CPNE8: variants seen among roughly 807,000 people sequenced by gnomAD.
CPNE8 encodes the protein copine 8.
CPNE8 carries 45 observed loss-of-function variants against 81.5 expected under a neutral mutation model. The observed-to-expected ratio is 0.55, with a 90% CI of 0.44 to 0.71. The LOEUF (loss-of-function observed/expected upper bound fraction) is 0.71. Ranked by LOEUF, CPNE8 falls within the 30% of genes least tolerant of loss-of-function variation. CPNE8 has a pLI of 0.00. For missense variants in CPNE8, 594 were observed against 672.1 expected, an observed-to-expected ratio of 0.88 and a Z score of 1.28; for synonymous variants, 252 against 226.3, an observed-to-expected ratio of 1.11 and a Z score of -1.02.
At chr12:38,754,287 A>G (rs55758865) in intron 10 of CPNE8, among the ~76,000 whole-genome samples, 5,339 of 152,244 alleles carry the variant, frequency 0.035, 296 homozygotes, top group African/African-American at 0.12. Flanking sequence ...AATCCTGCAA[A>G]GATCTTCTAG....
intron 11 of CPNE8, 124 bp downstream of exon 11, chr12:38,730,159 A>G (rs112989774): frequency 1.6e-6 from 1 of 620,716 alleles, no homozygotes; most frequent in Admixed American, 3.1e-5. Flanking sequence ...AACAACTTCA[A>G]AGATTCTTAC....
At chr12:38,723,889 T>C (rs1288934562) in intron 12 of CPNE8, 56 bp from the exon 13 acceptor site, 1 of 926,306 alleles carries the variant, frequency 1.1e-6, no homozygotes. Context: ...CAAATAGACC[T>C]TTCTAATTAT....
chr12:38,733,674 C>A (rs1306126954), intron 10 of CPNE8, among the ~76,000 whole-genome samples: 1 of 151,774 alleles, frequency 6.6e-6, no homozygotes, highest in African/African-American at 2.4e-5. Flanking sequence ...TCTATTTTTC[C>A]CCTACCTTTT....
chr12:38,810,177 G>C (rs1384579523), intron 6 of CPNE8, among the ~76,000 whole-genome samples: 1 of 152,082 alleles, frequency 6.6e-6, no homozygotes, highest in Non-Finnish European at 1.5e-5. Flanking sequence ...CAGTGCTTCT[G>C]CTGACAAAAA....
chr12:38,704,830 A>ATATATGTGTGTG lies in CPNE8; in HGVS notation c.915-1910_915-1909insCACACACATATA, dbSNP rs779179947. ...CATCTGTGTGTGTATGTATGTGTAT[A>ATATATGTGTGTG]TATATATATATATATATATATATAT... On this transcript the variant is annotated intron_variant, in intron 13 of 19. Transcript: ENST00000331366. Among the ~76,000 whole-genome samples, 2 of 64,330 alleles carry ATATATGTGTGTG rather than the reference A, an allele frequency of 3.1e-5. 1 individual carries two copies. Among genetic ancestry groups the ATATATGTGTGTG allele is most frequent in the African/African-American group, 6.9e-5 (2 of 28,792 alleles). 42.2% of individuals were successfully genotyped at this position (64,330 alleles called of 152,430 possible). A position where few individuals can be genotyped will look rare whatever the true frequency, so the allele number is the denominator to read the frequency against.
chr12:38,770,622 C>T (rs1210118877), intron 7 of CPNE8, among the ~76,000 whole-genome samples: 1 of 152,184 alleles, frequency 6.6e-6, no homozygotes, highest in African/African-American at 2.4e-5. Flanking sequence ...CAAAGGCCAA[C>T]ATCTAATGGG....
At chr12:38,808,833 C>A (rs1378462057) in intron 6 of CPNE8, among the ~76,000 whole-genome samples, 1 of 151,522 alleles carries the variant, frequency 6.6e-6, no homozygotes, top group Non-Finnish European at 1.5e-5. Flanking sequence ...AACCACCTCA[C>A]AGGAAAAAAT....
At chr12:38,770,719 C>T (rs1033418778) in intron 7 of CPNE8, among the ~76,000 whole-genome samples, 4 of 152,112 alleles carry the variant, frequency 2.6e-5, no homozygotes, top group Admixed American at 2.6e-4. Flanking sequence ...CACATCGGAC[C>T]CACACATGCC....
chr12:38,827,792 G>A (rs1488431521), intron 6 of CPNE8, among the ~76,000 whole-genome samples: 1 of 152,092 alleles, frequency 6.6e-6, no homozygotes, highest in Non-Finnish European at 1.5e-5. Context: ...ACACAAAGAA[G>A]GAAACAGCAG....
intron 3 of CPNE8, among the ~76,000 whole-genome samples, chr12:38,856,138 C>G (rs192881339): frequency 6.6e-6 from 1 of 151,966 alleles, no homozygotes; most frequent in East Asian, 1.9e-4. Context: ...CATACTAAGG[C>G]TGAACCATGA....
intron 19 of CPNE8, among the ~76,000 whole-genome samples, chr12:38,661,538 A>G (rs1938952322): frequency 6.6e-6 from 1 of 152,084 alleles, no homozygotes; most frequent in Non-Finnish European, 1.5e-5. Context: ...GCAAACCAAC[A>G]TGGCACATAT....
At chr12:38,874,383 A>C in intron 2 of CPNE8, 88 bp downstream of exon 2, 1 of 1,004,078 alleles carries the variant, frequency 1.0e-6, no homozygotes, top group Non-Finnish European at 1.6e-6. Context: ...TCTAGGCTTT[A>C]AAACAAACCT....
rs1260451378 is a variant in CPNE8 at position 38,697,109 on chromosome 12, T to C, written c.962-3271A>G. ...ATGATTGTTACTATATTCATAGTTA[T>C]GTGCAATCATCACTATAGTTAATTT... On this transcript the variant is annotated intron_variant, in intron 14 of 19. Coordinates refer to ENST00000331366, the MANE Select transcript of CPNE8 (RefSeq NM_153634.3). Among the ~76,000 whole-genome samples the C allele has an allele frequency of 3.3e-5, 5 of 152,328 alleles. No homozygotes were observed. The South Asian group carries it at 1.0e-3, about 32-fold the overall frequency.
chr12:38,848,510 T>C (rs1164943270), intron 4 of CPNE8, 49 bp downstream of exon 4: 6 of 1,525,554 alleles, frequency 3.9e-6, no homozygotes, highest in East Asian at 2.4e-5. Context: ...ATTAGTAATA[T>C]TGTCTTTAAA....
At chr12:38,700,580 G>A (rs146251758) in intron 14 of CPNE8, among the ~76,000 whole-genome samples, 1,986 of 151,998 alleles carry the variant, frequency 0.013, 30 homozygotes, top group South Asian at 0.043. Flanking sequence ...AAAGTGCACC[G>A]GACTTTGTAA....
chr12:38,739,019 G>C (rs1387976399), intron 10 of CPNE8, among the ~76,000 whole-genome samples: 2 of 151,880 alleles, frequency 1.3e-5, no homozygotes, highest in Non-Finnish European at 2.9e-5. Context: ...CACCATGTGG[G>C]CCAGGCTGGT....
intron 10 of CPNE8, among the ~76,000 whole-genome samples, chr12:38,739,687 T>C (rs780706897): frequency 1.3e-5 from 2 of 152,200 alleles, no homozygotes; most frequent in Non-Finnish European, 2.9e-5. Flanking sequence ...TTTTTAAAAG[T>C]TGATATAATT....
intron 19 of CPNE8, among the ~76,000 whole-genome samples, chr12:38,656,734 G>C (rs10875953): frequency 0.33 from 49,819 of 151,984 alleles, 9,925 homozygotes; most frequent in Non-Finnish European, 0.45. Context: ...TTCTCAAACT[G>C]TTTTTTAAAA....
intron 1 of CPNE8, among the ~76,000 whole-genome samples, chr12:38,904,179 G>T (rs1478666440): frequency 6.6e-6 from 1 of 152,166 alleles, no homozygotes; most frequent in African/African-American, 2.4e-5. Flanking sequence ...GGAAAGGAAA[G>T]GGAGGATGTG....
Sources: gnomAD v4.1 joint callset for allele counts (sites outside exome capture counted in the v4.1 genomes callset) on GRCh38, gnomAD v4.1.1 for gene constraint, MANE v1.5 for transcripts, NCBI Gene and HGNC (gene_info 2026-07-23, HGNC 2026-07-21) for gene names.